ACP6: variants seen among roughly 807,000 people sequenced by gnomAD.
ACP6 encodes the protein acid phosphatase 6, lysophosphatidic, also known as lysophosphatidic acid phosphatase type 6.
In ACP6, 48 loss-of-function variants were observed where a neutral mutation model predicts 48.1. The observed-to-expected ratio is 1.00, with a 90% CI of 0.79 to 1.27. The LOEUF is 1.27. Ranked by LOEUF, ACP6 falls within the 50% of genes most tolerant of loss-of-function variation. ACP6 has a pLI of 0.00. For synonymous variants in ACP6, 172 were observed against 204.2 expected, an observed-to-expected ratio of 0.84 and a Z score of 1.34; for missense variants, 485 against 529.1, an observed-to-expected ratio of 0.92 and a Z score of 0.82.
downstream of ACP6, among the ~76,000 whole-genome samples, chr1:147,639,250 T>G (rs1260798960): frequency 6.6e-6 from 1 of 152,162 alleles, no homozygotes; most frequent in Admixed American, 6.5e-5. Flanking sequence ...CCAGGGATAT[T>G]TCCCCATTGT....
At chr1:147,654,511 G>A (rs778704774) in intron 5 of ACP6, among the ~76,000 whole-genome samples, 185 bp from the exon 6 acceptor site, 36 of 152,152 alleles carry the variant, frequency 2.4e-4, no homozygotes, top group Non-Finnish European at 4.6e-4. Flanking sequence ...GACTTATAAC[G>A]TTAAGTTAGC....
chr1:147,635,589 TC>T (rs1553207893), intron 5 of ACP6, among the ~76,000 whole-genome samples: 1 of 152,212 alleles, frequency 6.6e-6, no homozygotes, highest in Non-Finnish European at 1.5e-5. Flanking sequence ...TGGGGAGAAG[TC>T]CTTGTTGGGG....
intron 5 of ACP6, among the ~76,000 whole-genome samples, chr1:147,636,389 C>T (rs1659301267): frequency 1.3e-5 from 2 of 152,020 alleles, no homozygotes; most frequent in East Asian, 1.9e-4. Flanking sequence ...TCACAAGAAG[C>T]GGGACAGGAA....
chr1:147,669,851 C>T lies in ACP6; in HGVS notation c.198G>A (p.Lys66=), dbSNP rs187400514. Residue 66 remains lysine, a synonymous_variant, in exon 1 of 10, where the codon AAG becomes AAA. Transcript: ENST00000583509. ...TCACCTGCTCCTCCAGCGGGAGCGG[C>T]TTGAGAGGACTCCGAGCCCCGTGTC... ...VFRHGARSPL[K]PLPLEEQVEW... 4.0e-5 allele frequency: 64 copies of T among 1,597,428 alleles called. No homozygotes were observed. The highest frequency in any genetic ancestry group is 5.4e-5 in the Non-Finnish European group (63 of 1,172,226).
At chr1:147,650,265 A>T (rs772881894) in intron 7 of ACP6, 27 bp from the exon 8 acceptor site, 2 of 1,529,964 alleles carry the variant, frequency 1.3e-6, no homozygotes, top group Non-Finnish European at 1.8e-6. Flanking sequence ...ACATTTAAGC[A>T]CCTAGAGGGC....
In ACP6 at chr1:147,654,232, C is replaced by A; in HGVS notation, c.742G>T (p.Asp248Tyr). Residue 248 changes from aspartate (D) to tyrosine (Y), a missense_variant, in exon 6 of 10, where the codon GAC becomes TAC. Asp to Tyr is a radical substitution (Grantham distance 160, BLOSUM62 -3). Transcript: ENST00000583509. ...RMGIDSSDKVDFFILLDNVAA... is the reference protein window; with the variant it reads ...RMGIDSSDKVYFFILLDNVAA... ...ACGTTGTCCAGGAGGATGAAGAAGT[C>A]CACTTTATCACTACTGTCAATGCCC... 6.2e-7 allele frequency: 1 copy of A among 1,614,210 alleles called. No individual in the cohort carries two copies. Among genetic ancestry groups the A allele is most frequent in the South Asian group, 1.1e-5 (1 of 91,086 alleles).
intron 6 of ACP6, 141 bp downstream of exon 6, chr1:147,654,052 TC>T (rs1660101232): frequency 1.4e-6 from 2 of 1,389,848 alleles, no homozygotes; most frequent in Non-Finnish European, 9.6e-7. Flanking sequence ...TATCCCTCAG[TC>T]CCCACACCCA....
Position 147,652,477 on chromosome 1 carries a change from A to T in ACP6, c.853T>A (p.Ser285Thr). Residue 285 changes from serine to threonine, a missense_variant, in exon 7 of 10, where the codon TCC (serine) becomes ACC (threonine). Coordinates refer to ENST00000583509, the MANE Select transcript of ACP6 (RefSeq NM_016361.5). Reference sequence around the variant, plus strand: ...TCTTCCTTGGGCAGTATGTACAAGGATGTGTCCACAGCTCTCTGTTCGATC... The same window carrying T: ...TCTTCCTTGGGCAGTATGTACAAGGTTGTGTCCACAGCTCTCTGTTCGATC... ...RMIEQRAVDT[S>T]LYILPKEDRE... 1.9e-6 allele frequency: 3 copies of T among 1,613,984 alleles called. No homozygotes were observed. The highest frequency in any genetic ancestry group is 2.5e-6 in the Non-Finnish European group (3 of 1,180,010).
At chr1:147,665,793 A>G (rs1352439671) in intron 1 of ACP6, among the ~76,000 whole-genome samples, 2 of 152,156 alleles carry the variant, frequency 1.3e-5, no homozygotes, top group South Asian at 2.1e-4. Flanking sequence ...CGTCAAGTCT[A>G]AAGTACAGTT....
At chr1:147,658,848 A>G (rs1553212137) in intron 4 of ACP6, 112 bp downstream of exon 4, 1 of 1,004,882 alleles carries the variant, frequency 1.0e-6, no homozygotes, top group African/African-American at 1.6e-5. Flanking sequence ...GAAGTCACAC[A>G]TGCAGGAGAA....
chr1:147,666,894 T>C (rs1277470605), intron 1 of ACP6, among the ~76,000 whole-genome samples: 4 of 152,192 alleles, frequency 2.6e-5, no homozygotes, highest in Non-Finnish European at 5.9e-5. Flanking sequence ...TACATTATGC[T>C]TCCCAGCTCA....
chr1:147,661,962 A>C (rs1660567594), intron 1 of ACP6, among the ~76,000 whole-genome samples: 1 of 152,230 alleles, frequency 6.6e-6, no homozygotes, highest in Non-Finnish European at 1.5e-5. Context: ...GGTTTCCTTA[A>C]GGTGAAGCCA....
intron 1 of ACP6, among the ~76,000 whole-genome samples, chr1:147,666,836 G>A (rs1382601175): frequency 1.3e-5 from 2 of 152,160 alleles, no homozygotes; most frequent in Non-Finnish European, 1.5e-5. Flanking sequence ...CTTGAATACC[G>A]CTTCTTTTAG....
At chr1:147,666,761 C>T (rs587639901) in intron 1 of ACP6, among the ~76,000 whole-genome samples, 3 of 152,314 alleles carry the variant, frequency 2.0e-5, no homozygotes, top group African/African-American at 7.2e-5. Context: ...TTCCAGTTGA[C>T]TCCAATGTTC....
intron 4 of ACP6, among the ~76,000 whole-genome samples, chr1:147,658,232 T>G (rs1660354499): frequency 6.6e-6 from 1 of 152,222 alleles, no homozygotes; most frequent in Non-Finnish European, 1.5e-5. Flanking sequence ...TGATGGAAAT[T>G]TTGTTTCTAT....
At chr1:147,640,441 A>T (rs1013640819), downstream of ACP6, among the ~76,000 whole-genome samples, 2 of 152,168 alleles carry the variant, frequency 1.3e-5, no homozygotes, top group African/African-American at 4.8e-5. Context: ...AGGAGCCACA[A>T]AGAGGCTCCT....
chr1:147,647,789 C>T lies in ACP6; in HGVS notation c.1144-223G>A, dbSNP rs587667840. The T allele has an allele frequency of 7.0e-5, 44 of 627,232 alleles. No homozygotes were observed. In the South Asian group the frequency reaches 7.9e-4, roughly 11 times the overall value. The allele number at this position is 627,232 out of a possible 1,614,324, so 38.9% of individuals were successfully genotyped here. A position where few individuals can be genotyped will look rare whatever the true frequency, so the allele number is the denominator to read the frequency against. On this transcript the variant is annotated intron_variant, in intron 9 of 9. Transcript: ENST00000583509. ...GTTGAATTGACTGGGAAGAAAGAGT[C>T]GAGTTACATCCCCGAGCTGGGAGAA...
At chr1:147,649,931 C>G (rs782187474) in intron 8 of ACP6, 8 of 521,226 alleles carry the variant, frequency 1.5e-5, no homozygotes, top group Non-Finnish European at 2.7e-5. Flanking sequence ...AGAGAGAAAG[C>G]AAAAATAAAA....
chr1:147,669,961 C>A lies in ACP6; in HGVS notation c.88G>T (p.Ala30Ser). The A allele has an allele frequency of 3.2e-6, 5 of 1,548,244 alleles. No homozygotes were observed. Among genetic ancestry groups the A allele is most frequent in the Non-Finnish European group, 4.4e-6 (5 of 1,146,620 alleles). ...TCGGCCTCCTGCAGCTCGGCCAGGG[C>A]CACCCGCCGCTGGTGCAGGCAGTAC... ...LAYCLHQRRV[A>S]LAELQEADGQ... Residue 30 changes from alanine (A) to serine (S), a missense_variant, in exon 1 of 10, where the codon GCC (alanine) becomes TCC (serine). Physicochemically the swap from Ala to Ser is moderately conservative, Grantham distance 99. Transcript: ENST00000583509.
Sources: allele counts gnomAD v4.1 joint callset (sites outside exome capture counted in the v4.1 genomes callset), GRCh38; gene constraint gnomAD v4.1.1; transcripts MANE v1.5; gene names NCBI Gene and HGNC (gene_info 2026-07-23, HGNC 2026-07-21).